Variants in DOCK4 observed in about 807,000 individuals in gnomAD.
The protein encoded by DOCK4 is dedicator of cytokinesis protein 4.
DOCK4 carries 97 observed loss-of-function variants against 268.1 expected under a neutral mutation model. That is an observed-to-expected ratio of 0.36 (90% confidence interval 0.31 to 0.43). The LOEUF (loss-of-function observed/expected upper bound fraction) is 0.43. Ranked by LOEUF, DOCK4 falls within the 20% of genes least tolerant of loss-of-function variation. The pLI, the probability that DOCK4 is intolerant of heterozygous loss-of-function variation, is 1.00. For missense variants in DOCK4, 2,145 were observed against 2,455.7 expected (o/e 0.87, Z 2.67); for synonymous variants, 954 against 887.2 (o/e 1.08, Z -1.34).
chr7:111,845,460 A>G (rs1804026274), intron 24 of DOCK4, among the ~76,000 whole-genome samples: 1 of 152,204 alleles, frequency 6.6e-6, no homozygotes, highest in South Asian at 2.1e-4. Flanking sequence ...GGCCATGTGG[A>G]AACTGCTTTC....
At chr7:111,736,407 C>A (rs1795477973) in intron 50 of DOCK4, among the ~76,000 whole-genome samples, 1 of 152,142 alleles carries the variant, frequency 6.6e-6, no homozygotes, top group African/African-American at 2.4e-5. Flanking sequence ...GTGTTTGGTT[C>A]TCATTTTGTG....
chr7:111,730,755 ATCTATGT>A (rs1489763261), intron 52 of DOCK4, among the ~76,000 whole-genome samples: 1 of 152,138 alleles, frequency 6.6e-6, no homozygotes, highest in Non-Finnish European at 1.5e-5. Flanking sequence ...CAAATGTTCG[ATCTATGT>A]TCTCTTCCTT....
chr7:112,077,887 A>G (rs1469822555), intron 1 of DOCK4, among the ~76,000 whole-genome samples: 1 of 152,162 alleles, frequency 6.6e-6, no homozygotes, highest in East Asian at 1.9e-4. Context: ...AATTTAATGT[A>G]TAAAAGGTAG....
chr7:112,141,530 A>T (rs535618450), intron 1 of DOCK4, among the ~76,000 whole-genome samples: 1 of 152,302 alleles, frequency 6.6e-6, no homozygotes, highest in Admixed American at 6.5e-5. Context: ...TTCCCTGAAG[A>T]AGAGATTCTG....
At chr7:111,883,936 G>A (rs10261279) in intron 16 of DOCK4, among the ~76,000 whole-genome samples, 11,765 of 152,144 alleles carry the variant, frequency 0.077, 548 homozygotes, top group Middle Eastern at 0.12. Flanking sequence ...AAGAACACTG[G>A]GGTGTGTGTA....
At chr7:111,840,747 A>G (rs1803617618) in intron 25 of DOCK4, 2 of 1,218,770 alleles carry the variant, frequency 1.6e-6, no homozygotes, top group African/African-American at 3.2e-5. Context: ...ACATTGTGGG[A>G]TCTGCGTTTA....
intron 1 of DOCK4, among the ~76,000 whole-genome samples, chr7:112,200,725 T>TTAAAAAAAAA (rs1554478846): frequency 9.7e-6 from 1 of 102,766 alleles, no homozygotes; most frequent in African/African-American, 3.3e-5. Flanking sequence ...GCCTCTAAAA[T>TTAAAAAAAAA]AAAAAAAAAA....
chr7:111,909,402 T>C (rs1043062484), intron 13 of DOCK4, among the ~76,000 whole-genome samples: 4 of 152,248 alleles, frequency 2.6e-5, no homozygotes, highest in African/African-American at 4.8e-5. Context: ...AACTCCAGTC[T>C]GTAAATCATT....
intron 8 of DOCK4, among the ~76,000 whole-genome samples, chr7:111,975,637 C>T (rs558194055): frequency 6.6e-6 from 1 of 152,264 alleles, no homozygotes; most frequent in South Asian, 2.1e-4. Context: ...GTTATTTCCA[C>T]ACCTCATAAA....
chr7:112,069,738 C>A (rs148454774), intron 1 of DOCK4, among the ~76,000 whole-genome samples: 1 of 151,850 alleles, frequency 6.6e-6, no homozygotes, highest in African/African-American at 2.4e-5. Context: ...CCCAACTCAG[C>A]GGTAGAAAAT....
At chr7:112,150,280 T>C (rs1243126064) in intron 1 of DOCK4, among the ~76,000 whole-genome samples, 1 of 152,138 alleles carries the variant, frequency 6.6e-6, no homozygotes. Context: ...TGTCTTATCA[T>C]GGTTGGCAGA....
In DOCK4 at chr7:111,927,154, T is replaced by C. The variant is rs538530910; in HGVS notation, c.1066+8386A>G. 6.0e-4 allele frequency among the ~76,000 whole-genome samples: 91 copies of C among 152,306 alleles called. 1 individual carries two copies. The South Asian group carries it at 0.011, about 18-fold the overall frequency. ...GATCATCTTCCTGAGATCTTCGAAG[T>C]GGGTAACTCTGTCCATTGGGATGAC... On this transcript the variant is annotated intron_variant, in intron 12 of 52. Coordinates refer to ENST00000428084, the MANE Select transcript of DOCK4 (RefSeq NM_001363540.2).
At chr7:112,178,858 G>A (rs571428979) in intron 1 of DOCK4, among the ~76,000 whole-genome samples, 65 of 152,226 alleles carry the variant, frequency 4.3e-4, no homozygotes, top group African/African-American at 1.5e-3. Context: ...GCACATGATG[G>A]AGGCTGCCAA....
Position 112,018,179 on chromosome 7 carries a change from A to AAAAAAAAAAAAAAAAAAAACAAC in DOCK4, c.38-14049_38-14048insGTTGTTTTTTTTTTTTTTTTTTT. ...AAAAAAAAAAAAAAAAAAAAAAAAA[A>AAAAAAAAAAAAAAAAAAAACAAC]ACACAGGCAACCAGTATTCATGTGG... On this transcript the variant is annotated intron_variant, in intron 1 of 52. Coordinates refer to ENST00000428084, the MANE Select transcript of DOCK4 (RefSeq NM_001363540.2). Among the ~76,000 whole-genome samples, 4 of 72,630 alleles carry AAAAAAAAAAAAAAAAAAAACAAC rather than the reference A, an allele frequency of 5.5e-5. 1 individual carries two copies. The highest frequency in any genetic ancestry group is 1.6e-4 in the African/African-American group (3 of 18,512). 47.6% of individuals were successfully genotyped at this position (72,630 alleles called of 152,430 possible).
At chr7:112,021,063 G>A (rs143494364) in intron 1 of DOCK4, among the ~76,000 whole-genome samples, 208 of 152,326 alleles carry the variant, frequency 1.4e-3, no homozygotes, top group African/African-American at 4.6e-3. Context: ...CAGCCATGCT[G>A]GGGGACGAAC....
At chr7:112,139,609 C>T (rs370243973) in intron 1 of DOCK4, among the ~76,000 whole-genome samples, 2 of 152,132 alleles carry the variant, frequency 1.3e-5, no homozygotes, top group East Asian at 3.9e-4. Context: ...TCAGTGGCAG[C>T]CTGATACTTC....
intron 36 of DOCK4, among the ~76,000 whole-genome samples, chr7:111,772,594 G>A (rs1479930723): frequency 2.0e-5 from 3 of 152,080 alleles, no homozygotes; most frequent in Admixed American, 1.3e-4. Flanking sequence ...TCAGTAGTTC[G>A]AGACCAGCCT....
At chr7:111,971,835 G>T in intron 8 of DOCK4, 1 of 293,950 alleles carries the variant, frequency 3.4e-6, no homozygotes, top group East Asian at 1.0e-4. Context: ...CTGATATAGC[G>T]GGGCCATTTC....
At chr7:112,053,297 A>G (rs1203840818) in intron 1 of DOCK4, among the ~76,000 whole-genome samples, 4 of 152,206 alleles carry the variant, frequency 2.6e-5, no homozygotes, top group African/African-American at 7.2e-5. Flanking sequence ...AGGTGCCACA[A>G]TCAGACTTCA....
Sources: allele counts gnomAD v4.1 joint callset (sites outside exome capture counted in the v4.1 genomes callset), GRCh38; gene constraint gnomAD v4.1.1; transcripts MANE v1.5; gene names NCBI Gene and HGNC (gene_info 2026-07-23, HGNC 2026-07-21).